Variants in GALNT15 observed in about 807,000 individuals in gnomAD.
GALNT15 encodes UDP-GalNAc transferase T15.
GALNT15 carries 67 observed loss-of-function variants against 66.8 expected under a neutral mutation model. The ratio of observed to expected loss-of-function variants is 1.00; its 90% confidence interval spans 0.82 to 1.23. The LOEUF (loss-of-function observed/expected upper bound fraction) is 1.23. Among genes scored for constraint, GALNT15 ranks in the 50% most tolerant of loss-of-function variants. The pLI is 0.00. For missense variants in GALNT15, 827 were observed against 804.3 expected, an observed-to-expected ratio of 1.03 and a Z score of -0.34; for synonymous variants, 313 against 311.5, an observed-to-expected ratio of 1.00 and a Z score of -0.05.
the GALNT15 span, among the ~76,000 whole-genome samples, chr3:16,246,457 C>T: frequency 5.3e-5 from 8 of 150,878 alleles, no homozygotes; most frequent in African/African-American, 2.0e-4. Context: ...TCCTGAGTAG[C>T]TGGGACTACA....
chr3:16,211,124 G>C lies in GALNT15; in HGVS notation c.1080G>C (p.Arg360Ser), dbSNP rs2063809501. ...KALQSPISPI[R>S]SPVVPGEVVA... is the part of the protein sequence containing the mutation. Reference sequence around the variant, plus strand: ...TGTCCTGCCTGTCTTCTGTGTCCAGGAGCCCTGTGGTGCCCGGAGAGGTGG... The same window carrying C: ...TGTCCTGCCTGTCTTCTGTGTCCAGCAGCCCTGTGGTGCCCGGAGAGGTGG... Residue 360 changes from arginine (R) to serine (S), a missense_variant and splice_region_variant, in exon 5 of 10, where the codon AGG becomes AGC. By Grantham distance (110) the Arg-to-Ser change is moderately radical. Transcript: ENST00000339732. The surrounding 1 kb of genome is among the most constrained non-coding windows in gnomAD (Gnocchi z 4.3). The C allele has an allele frequency of 1.2e-6, 2 of 1,609,714 alleles. No individual in the cohort carries two copies.
chr3:16,217,052 C>G (rs1428827975), intron 6 of GALNT15, among the ~76,000 whole-genome samples: 1 of 152,168 alleles, frequency 6.6e-6, no homozygotes, highest in Non-Finnish European at 1.5e-5. Context: ...CCTCTCCTGC[C>G]CTGCTTATGT....
rs979803053 is a variant in GALNT15 at position 16,180,685 on chromosome 3, C to T, written c.539+4995C>T. ...GTTTGGGAAGTTTCCACGTAGGAAGCAATACTAGAGTCAGAAAATAGAAAA... is the reference window on the plus strand; with the variant it reads ...GTTTGGGAAGTTTCCACGTAGGAAGTAATACTAGAGTCAGAAAATAGAAAA... On this transcript the variant is annotated intron_variant, in intron 1 of 9. Coordinates refer to ENST00000339732, the MANE Select transcript of GALNT15 (RefSeq NM_054110.5). This position sits in a 1 kb window ranked among gnomAD's most constrained non-coding sequence, Gnocchi z 5.0. Among the ~76,000 whole-genome samples, 14 of 152,144 alleles carry T rather than the reference C, an allele frequency of 9.2e-5. No homozygotes were observed. Among genetic ancestry groups the T allele is most frequent in the African/African-American group, 3.4e-4 (14 of 41,418 alleles).
chr3:16,208,204 AAAT>A (rs1285003652), intron 3 of GALNT15, among the ~76,000 whole-genome samples: 6 of 152,250 alleles, frequency 3.9e-5, no homozygotes, highest in Admixed American at 1.3e-4. Flanking sequence ...TACAAAATAA[AAAT>A]AAACAGATGA....
In GALNT15 at chr3:16,191,930, T is replaced by C. The variant is rs1196169637; in HGVS notation, c.540-3830T>C. On this transcript the variant is annotated intron_variant, in intron 1 of 9. Coordinates refer to ENST00000339732, the MANE Select transcript of GALNT15 (RefSeq NM_054110.5). The surrounding 1 kb of genome is among the most constrained non-coding windows in gnomAD (Gnocchi z 5.2). Reference sequence around the variant, plus strand: ...AAGATGATCATAAATATAACATTCATACTAATTACATTGTGTCTTTTTGGA... The same window carrying C: ...AAGATGATCATAAATATAACATTCACACTAATTACATTGTGTCTTTTTGGA... Among the ~76,000 whole-genome samples the C allele has an allele frequency of 6.6e-6, 1 of 152,258 alleles. No homozygotes were observed. The highest frequency in any genetic ancestry group is 1.5e-5 in the Non-Finnish European group (1 of 68,052).
Position 16,204,853 on chromosome 3 carries a change from G to A in GALNT15, c.912-3650G>A, listed in dbSNP as rs954111115. Among the ~76,000 whole-genome samples, 1 of 152,204 alleles carries A rather than the reference G, an allele frequency of 6.6e-6. No homozygotes were observed. The highest frequency in any genetic ancestry group is 2.4e-5 in the African/African-American group (1 of 41,454). ...CTGCCCTTTGAAGGGTTAAATGATG[G>A]AAAGCAGTGTAAGAACCCCTTGTGC... On this transcript the variant is annotated intron_variant, in intron 3 of 9. Transcript: ENST00000339732. The surrounding 1 kb of genome is among the most constrained non-coding windows in gnomAD (Gnocchi z 4.5).
Position 16,177,549 on chromosome 3 carries a change from GT to G in GALNT15, c.539+1861del, listed in dbSNP as rs139594041. ...TGTGGTGCCTATATGCTTGGTGCAT[GT>G]TACTTTGTGTATGTGATATGATATG... On this transcript the variant is annotated intron_variant, in intron 1 of 9. Coordinates refer to ENST00000339732, the MANE Select transcript of GALNT15 (RefSeq NM_054110.5). Among the ~76,000 whole-genome samples, 175 of 152,346 alleles carry G rather than the reference GT, an allele frequency of 1.1e-3. 3 individuals carry two copies. In the East Asian group the frequency reaches 0.031, roughly 27 times the overall value.
chr3:16,208,003 C>T (rs1008936996), intron 3 of GALNT15, among the ~76,000 whole-genome samples: 2 of 152,136 alleles, frequency 1.3e-5, no homozygotes, highest in African/African-American at 4.8e-5. Context: ...AGTAGCAGAG[C>T]TGAGCCTAGG....
downstream of GALNT15, among the ~76,000 whole-genome samples, chr3:16,233,116 A>ATTTTTT (rs2064101303): frequency 9.6e-6 from 1 of 104,312 alleles, no homozygotes; most frequent in African/African-American, 3.9e-5. Flanking sequence ...TTTTTTTTGA[A>ATTTTTT]ACGGAGTCTG....
chr3:16,247,552 C>G, the GALNT15 span, among the ~76,000 whole-genome samples: 7 of 152,194 alleles, frequency 4.6e-5, no homozygotes, highest in African/African-American at 1.7e-4. Context: ...CAGGCTGCAC[C>G]CTTCAACGGG....
At chr3:16,243,275 AG>A in the GALNT15 span, among the ~76,000 whole-genome samples, 1 of 152,194 alleles carries the variant, frequency 6.6e-6, no homozygotes, top group South Asian at 2.1e-4. Flanking sequence ...CCCCCATGGA[AG>A]TTCGGCCAGA....
In GALNT15 at chr3:16,222,754, A is replaced by G; in HGVS notation, c.1769A>G (p.Gln590Arg). ...LAIHQQHWDFQENGMIVHILS... is the reference protein window; with the variant it reads ...LAIHQQHWDFRENGMIVHILS... ...ATCCACCAGCAGCACTGGGACTTCC[A>G]GGAGGTGAGTAATCTGTTCAGGAAG... The change falls in exon 9 of 10, where the codon CAG (glutamine) becomes CGG (arginine). Residue 590 changes from glutamine to arginine, a missense_variant. Transcript: ENST00000339732. 2 of 1,613,996 alleles carry G rather than the reference A, an allele frequency of 1.2e-6. No individual in the cohort carries two copies. Among genetic ancestry groups the G allele is most frequent in the South Asian group, 2.2e-5 (2 of 91,068 alleles).
chr3:16,194,590 T>C (rs1232832954), intron 1 of GALNT15, among the ~76,000 whole-genome samples: 1 of 152,180 alleles, frequency 6.6e-6, no homozygotes, highest in African/African-American at 2.4e-5. Flanking sequence ...CAAATGCCCA[T>C]CAATGATAGA....
At position 16,195,721 on chromosome 3, in the gene GALNT15, C is replaced by T. The variant is rs1335684205; in HGVS notation, c.540-39C>T. 1.9e-6 allele frequency: 3 copies of T among 1,582,390 alleles called. No homozygotes were observed. The highest frequency in any genetic ancestry group is 2.6e-6 in the Non-Finnish European group (3 of 1,158,858). ...GAGGGTGTGGAGTGTTTCTTGTGGCCTTCTCTTCCCCATGGCTCTCTGGCT... is the reference window on the plus strand; with the variant it reads ...GAGGGTGTGGAGTGTTTCTTGTGGCTTTCTCTTCCCCATGGCTCTCTGGCT... On this transcript the variant is annotated intron_variant, in intron 1 of 9. Transcript: ENST00000339732. The surrounding 1 kb of genome is among the most constrained non-coding windows in gnomAD (Gnocchi z 4.6).
intron 1 of GALNT15, among the ~76,000 whole-genome samples, chr3:16,190,816 G>T (rs1310504361): frequency 6.6e-6 from 1 of 152,150 alleles, no homozygotes; most frequent in Admixed American, 6.5e-5. Context: ...CTCAGCTGCT[G>T]CTGGTCCTCC....
rs955934594 is a variant in GALNT15 at position 16,209,858 on chromosome 3, A to G, written c.1079+1188A>G. Among the ~76,000 whole-genome samples the G allele has an allele frequency of 2.0e-5, 3 of 152,184 alleles. No homozygotes were observed. The highest frequency in any genetic ancestry group is 4.4e-5 in the Non-Finnish European group (3 of 68,028). On this transcript the variant is annotated intron_variant, in intron 4 of 9. Transcript: ENST00000339732. This position sits in a 1 kb window ranked among gnomAD's most constrained non-coding sequence, Gnocchi z 4.1. ...ACAAAAACAAAATCATTAGGCAGCA[A>G]AAGCTGCCCTGAACTGACATGGGGT... is the stretch of plus-strand genomic sequence containing the variant.
In GALNT15 at chr3:16,200,520, C is replaced by T. The variant is rs1009409019; in HGVS notation, c.707-99C>T. The T allele has an allele frequency of 4.1e-6, 4 of 982,532 alleles. No homozygotes were observed. Among genetic ancestry groups the T allele is most frequent in the African/African-American group, 3.4e-5 (2 of 59,442 alleles). 60.9% of individuals were successfully genotyped at this position (982,532 alleles called of 1,614,324 possible). ...TCGGTTCTTAGGACCCAGGTGCTCACCACAGCTTCCAAAAGAGAGTTGCTG... is the reference window on the plus strand; with the variant it reads ...TCGGTTCTTAGGACCCAGGTGCTCATCACAGCTTCCAAAAGAGAGTTGCTG... On this transcript the variant is annotated intron_variant, in intron 2 of 9. Coordinates refer to ENST00000339732, the MANE Select transcript of GALNT15 (RefSeq NM_054110.5). This position sits in a 1 kb window ranked among gnomAD's most constrained non-coding sequence, Gnocchi z 4.4.
rs1399437447 is a variant in GALNT15, at chr3:16,227,605, C to T, written c.*105C>T. 3.1e-6 allele frequency: 5 copies of T among 1,592,326 alleles called. No homozygotes were observed. Among genetic ancestry groups the T allele is most frequent in the East Asian group, 2.3e-5 (1 of 44,352 alleles). Reference sequence around the variant, plus strand: ...TGAAGCTGATCCTTTTGTGTGTGTGCTCCTGGTGTTAGGAGAGAAAAAAGC... The same window carrying T: ...TGAAGCTGATCCTTTTGTGTGTGTGTTCCTGGTGTTAGGAGAGAAAAAAGC... On this transcript the variant is annotated 3_prime_UTR_variant, in exon 10 of 10. Transcript: ENST00000339732. This position sits in a 1 kb window ranked among gnomAD's most constrained non-coding sequence, Gnocchi z 4.5.
chr3:16,231,765 T>TCTCC, downstream of GALNT15: 1 of 1,502,838 alleles, frequency 6.7e-7, no homozygotes, highest in Non-Finnish European at 9.0e-7. The surrounding 1 kb of genome is among the most constrained non-coding windows in gnomAD (Gnocchi z 4.1). Flanking sequence ...TTCCTCTCTC[T>TCTCC]CTCCCTCCCT....
Sources: gnomAD v4.1 joint callset for allele counts (sites outside exome capture counted in the v4.1 genomes callset) on GRCh38, gnomAD v4.1.1 for gene constraint, Gnocchi (gnomAD v3.1) non-coding constraint, MANE v1.5 for transcripts, NCBI Gene and HGNC (gene_info 2026-07-23, HGNC 2026-07-21) for gene names.